KCMF1: variants seen among roughly 807,000 people sequenced by gnomAD.
KCMF1 encodes the protein potassium channel modulatory factor 1, also known as E3 ubiquitin-protein ligase KCMF1.
A neutral mutation model predicts 41.1 loss-of-function variants in KCMF1; 3 were observed. The observed-to-expected ratio is 0.07, with a 90% CI of 0.03 to 0.19. KCMF1 has a LOEUF of 0.19. Among genes scored for constraint, KCMF1 ranks in the 10% least tolerant of loss-of-function variants. The pLI is 1.00. For synonymous variants in KCMF1, 142 were observed against 164.5 expected, an observed-to-expected ratio of 0.86 and a Z score of 1.04; for missense variants, 286 against 488.9, an observed-to-expected ratio of 0.58 and a Z score of 3.91.
intron 1 of KCMF1, among the ~76,000 whole-genome samples, chr2:85,003,165 C>T (rs6737265): frequency 0.024 from 3,670 of 152,188 alleles, 147 homozygotes; most frequent in African/African-American, 0.083. Context: ...AAACTTTGTA[C>T]GAAGTCCTTT....
chr2:85,012,613 C>T (rs368519195), intron 1 of KCMF1, among the ~76,000 whole-genome samples: 8 of 152,190 alleles, frequency 5.3e-5, no homozygotes, highest in African/African-American at 1.9e-4. Flanking sequence ...TACCTTTCAG[C>T]TTGCATGTCT....
intron 3 of KCMF1, among the ~76,000 whole-genome samples, chr2:85,040,240 T>C (rs906026501): frequency 1.3e-5 from 2 of 152,220 alleles, no homozygotes; most frequent in African/African-American, 4.8e-5. Context: ...ATATGAATAA[T>C]AGATATTACT....
At chr2:84,973,213 G>A (rs950433676) in intron 1 of KCMF1, among the ~76,000 whole-genome samples, 3 of 152,188 alleles carry the variant, frequency 2.0e-5, no homozygotes, top group African/African-American at 7.2e-5. Context: ...CTTGGTCTAA[G>A]AAAGCATACA....
intron 1 of KCMF1, among the ~76,000 whole-genome samples, chr2:84,999,569 A>G (rs1466003247): frequency 6.6e-6 from 1 of 152,218 alleles, no homozygotes; most frequent in Non-Finnish European, 1.5e-5. Flanking sequence ...GAGTACCTAT[A>G]CCTACTTACA....
intron 1 of KCMF1, among the ~76,000 whole-genome samples, chr2:85,026,554 A>G (rs1194081316): frequency 6.6e-6 from 1 of 151,476 alleles, no homozygotes; most frequent in Non-Finnish European, 1.5e-5. Context: ...CAGTAGTTTG[A>G]TCATGGTCAC....
At chr2:85,030,884 A>G (rs1458129237) in intron 2 of KCMF1, among the ~76,000 whole-genome samples, 4 of 152,026 alleles carry the variant, frequency 2.6e-5, no homozygotes, top group East Asian at 1.9e-4. Context: ...TTTTGTGGAG[A>G]TGGGGTTTTT....
rs867399420 is a variant in KCMF1 at position 85,024,609 on chromosome 2, C to T, written c.17-3280C>T. 9.5e-4 allele frequency among the ~76,000 whole-genome samples: 142 copies of T among 148,720 alleles called. 1 individual carries two copies. The highest frequency in any genetic ancestry group is 1.6e-3 in the East Asian group (8 of 5,086). ...GTGTGTGTGTGTGTGTGTGTGTGCG[C>T]GTGTGTGTGTGAGAAAGAGAAAGAT... On this transcript the variant is annotated intron_variant, in intron 1 of 6. Coordinates refer to ENST00000409785, the MANE Select transcript of KCMF1 (RefSeq NM_020122.5).
At chr2:85,047,697 A>C (rs934664554) in intron 5 of KCMF1, among the ~76,000 whole-genome samples, 2 of 152,142 alleles carry the variant, frequency 1.3e-5, no homozygotes, top group African/African-American at 4.8e-5. Flanking sequence ...GGTCAAAATA[A>C]AATACAAGAA....
Position 85,022,575 on chromosome 2 carries a change from GTTTT to G in KCMF1, c.17-5310_17-5307del, listed in dbSNP as rs761044706. On this transcript the variant is annotated intron_variant, in intron 1 of 6. Transcript: ENST00000409785. ...GTAAACAATTCCAGCTTTGCTTTCT[GTTTT>G]TTTGTTTGTTTGTTTTTGTTTAGAA... is the stretch of plus-strand genomic sequence containing the variant. 4.6e-5 allele frequency among the ~76,000 whole-genome samples: 7 copies of G among 152,098 alleles called. No homozygotes were observed. In the South Asian group the frequency reaches 6.2e-4, roughly 14 times the overall value.
At chr2:85,025,561 ACTTTC>A (rs1652475642) in intron 1 of KCMF1, among the ~76,000 whole-genome samples, 4 of 152,036 alleles carry the variant, frequency 2.6e-5, no homozygotes, top group Admixed American at 1.3e-4. Context: ...CCACTGTTCT[ACTTTC>A]CTTCTCTTTG....
At chr2:85,017,224 C>T (rs901606133) in intron 1 of KCMF1, among the ~76,000 whole-genome samples, 3 of 151,498 alleles carry the variant, frequency 2.0e-5, no homozygotes, top group Non-Finnish European at 4.4e-5. Context: ...GACGGGGTTT[C>T]ACCTTGTTAG....
intron 1 of KCMF1, among the ~76,000 whole-genome samples, chr2:85,000,710 T>C (rs887509408): frequency 6.6e-6 from 1 of 152,032 alleles, no homozygotes; most frequent in African/African-American, 2.4e-5. Flanking sequence ...TTACTAAAAC[T>C]GTGAATAATA....
At chr2:85,023,572 C>T (rs1454680821) in intron 1 of KCMF1, among the ~76,000 whole-genome samples, 2 of 152,144 alleles carry the variant, frequency 1.3e-5, no homozygotes, top group Non-Finnish European at 2.9e-5. Flanking sequence ...CCGCCCGCCT[C>T]GGTCTCCCAA....
chr2:85,053,567 C>CGAA lies in KCMF1; in HGVS notation c.*158_*159insGAA. The stretch of plus-strand genomic sequence containing the variant: ...GAAGAGAGAAAATATATATGATAAT[C>CGAA]ATTTCCACTTAACTAATTTTTACTT... On this transcript the variant is annotated 3_prime_UTR_variant, in exon 7 of 7. Coordinates refer to ENST00000409785, the MANE Select transcript of KCMF1 (RefSeq NM_020122.5). 1.2e-6 allele frequency: 1 copy of CGAA among 809,364 alleles called. No homozygotes were observed. The highest frequency in any genetic ancestry group is 1.9e-6 in the Non-Finnish European group (1 of 527,442). 50.1% of individuals were successfully genotyped at this position (809,364 alleles called of 1,614,324 possible). A position where few individuals can be genotyped will look rare whatever the true frequency, so the allele number is the denominator to read the frequency against.
intron 1 of KCMF1, among the ~76,000 whole-genome samples, chr2:84,975,306 C>G (rs1673517536): frequency 6.6e-6 from 1 of 152,108 alleles, no homozygotes. Flanking sequence ...TACCTCTGCC[C>G]TAGACTGGCG....
intron 1 of KCMF1, among the ~76,000 whole-genome samples, chr2:85,008,355 ATATATATTATATATCATATGATATAT>A (rs1674554936): frequency 8.6e-5 from 3 of 34,796 alleles, no homozygotes; most frequent in South Asian, 9.0e-4. Context: ...ATAATATATA[ATATATATTATATATCATATGATATAT>A]TATATATGAT....
At chr2:84,976,529 C>G (rs1383581998) in intron 1 of KCMF1, among the ~76,000 whole-genome samples, 1 of 151,318 alleles carries the variant, frequency 6.6e-6, no homozygotes, top group Non-Finnish European at 1.5e-5. Flanking sequence ...TTCTGGGCTA[C>G]TTTTGATTTT....
At chr2:84,977,051 C>T (rs1381810788) in intron 1 of KCMF1, among the ~76,000 whole-genome samples, 4 of 151,708 alleles carry the variant, frequency 2.6e-5, no homozygotes, top group Admixed American at 2.6e-4. Flanking sequence ...CTCTGTTGCC[C>T]AGGCTAGAGT....
chr2:85,020,450 A>G (rs1259558691), intron 1 of KCMF1, among the ~76,000 whole-genome samples: 1 of 152,104 alleles, frequency 6.6e-6, no homozygotes, highest in Non-Finnish European at 1.5e-5. Context: ...TTTATTTGAG[A>G]TAGGGTCTCA....
Sources: gnomAD v4.1 joint callset for allele counts (sites outside exome capture counted in the v4.1 genomes callset) on GRCh38, gnomAD v4.1.1 for gene constraint, MANE v1.5 for transcripts, NCBI Gene and HGNC (gene_info 2026-07-23, HGNC 2026-07-21) for gene names.